Variants in ADAM10 observed in about 807,000 individuals in gnomAD.
ADAM10 encodes the protein disintegrin and metalloproteinase domain-containing protein 10.
A neutral mutation model predicts 90.1 loss-of-function variants in ADAM10; 17 were observed. The observed-to-expected ratio is 0.19, with a 90% CI of 0.13 to 0.28. ADAM10 has a LOEUF of 0.28. ADAM10 is among the 10% of genes least tolerant of loss of function. The pLI, the probability that ADAM10 is intolerant of heterozygous loss-of-function variation, is 1.00. For synonymous variants in ADAM10, 310 were observed against 298.6 expected (o/e 1.04, Z -0.40); for missense variants, 610 against 914.3 (o/e 0.67, Z 4.29).
chr15:58,743,241 T>C (rs1595673681), intron 1 of ADAM10, among the ~76,000 whole-genome samples: 1 of 152,214 alleles, frequency 6.6e-6, no homozygotes, highest in East Asian at 1.9e-4. Flanking sequence ...TGTGTTTTTC[T>C]GTCTGCAGCC....
rs78862767 is a variant in ADAM10, at chr15:58,663,504, T to C, written c.585+1593A>G. ...CTAGGGTAAATCCCTCTTTCCCTCT[T>C]TCCTGTTCATCGTCTTTAAATGGGC... On this transcript the variant is annotated intron_variant, in intron 5 of 15. Coordinates refer to ENST00000260408, the MANE Select transcript of ADAM10 (RefSeq NM_001110.4). Among the ~76,000 whole-genome samples, 587 of 152,292 alleles carry C rather than the reference T, an allele frequency of 3.9e-3. 2 individuals carry two copies. Among genetic ancestry groups the C allele is most frequent in the African/African-American group, 0.013 (556 of 41,556 alleles).
chr15:58,660,491 T>C (rs1442918273), intron 5 of ADAM10, among the ~76,000 whole-genome samples: 5 of 152,002 alleles, frequency 3.3e-5, no homozygotes, highest in African/African-American at 1.2e-4. Context: ...TTTTTTTAAT[T>C]AAAAAAAATT....
chr15:58,628,516 T>C (rs1394520467), intron 9 of ADAM10, among the ~76,000 whole-genome samples: 1 of 152,206 alleles, frequency 6.6e-6, no homozygotes, highest in African/African-American at 2.4e-5. Context: ...AACATATAAA[T>C]GCACATAAGT....
At position 58,616,889 on chromosome 15, in the gene ADAM10, A is replaced by T. The variant is rs561787433; in HGVS notation, c.1511+4582T>A. Among the ~76,000 whole-genome samples the T allele has an allele frequency of 1.5e-3, 227 of 152,288 alleles. 1 individual carries two copies. Among genetic ancestry groups the T allele is most frequent in the African/African-American group, 5.1e-3 (211 of 41,558 alleles). ...TTTGGGAGGCCGAGGCGGACAGATC[A>T]CAAGGTCAAGAGATTGAGACCATCC... On this transcript the variant is annotated intron_variant, in intron 11 of 15. Coordinates refer to ENST00000260408, the MANE Select transcript of ADAM10 (RefSeq NM_001110.4).
chr15:58,745,333 T>G (rs1461798745), intron 1 of ADAM10, among the ~76,000 whole-genome samples: 1 of 152,238 alleles, frequency 6.6e-6, no homozygotes, highest in East Asian at 1.9e-4. Flanking sequence ...GCAGAGTTTA[T>G]GTTTGTATCC....
intron 9 of ADAM10, among the ~76,000 whole-genome samples, chr15:58,629,712 T>C (rs2140669393): frequency 6.6e-6 from 1 of 152,338 alleles, no homozygotes; most frequent in East Asian, 1.9e-4. Flanking sequence ...CTATTTCCTA[T>C]CTGACTTATA....
At chr15:58,707,970 A>G (rs1304555968) in intron 2 of ADAM10, among the ~76,000 whole-genome samples, 1 of 152,084 alleles carries the variant, frequency 6.6e-6, no homozygotes, top group Admixed American at 6.5e-5. Context: ...CCAGCTACTC[A>G]GGAGGCTGAG....
At chr15:58,685,724 G>A (rs1897581648) in intron 2 of ADAM10, among the ~76,000 whole-genome samples, 2 of 151,602 alleles carry the variant, frequency 1.3e-5, no homozygotes, top group African/African-American at 4.8e-5. Flanking sequence ...GTGGGTGACT[G>A]GGAAATAAGG....
At chr15:58,722,271 G>C (rs1898880344) in intron 1 of ADAM10, among the ~76,000 whole-genome samples, 1 of 152,040 alleles carries the variant, frequency 6.6e-6, no homozygotes, top group South Asian at 2.1e-4. Flanking sequence ...GAACCCGGAA[G>C]GTGGAGGGTG....
intron 2 of ADAM10, among the ~76,000 whole-genome samples, chr15:58,711,800 A>T (rs1382782156): frequency 6.6e-6 from 1 of 152,236 alleles, no homozygotes; most frequent in Non-Finnish European, 1.5e-5. Context: ...CCTACCAAAA[A>T]GATAAACTAT....
intron 5 of ADAM10, among the ~76,000 whole-genome samples, chr15:58,655,704 A>AGTG (rs1490444327): frequency 1.0e-4 from 6 of 58,432 alleles, no homozygotes; most frequent in African/African-American, 5.4e-4. Flanking sequence ...TAGTATATAT[A>AGTG]TATATAGTAT....
chr15:58,728,925 C>G (rs1405150582), intron 1 of ADAM10, among the ~76,000 whole-genome samples: 13 of 152,146 alleles, frequency 8.5e-5, no homozygotes, highest in African/African-American at 3.1e-4. Flanking sequence ...TAAATGACAA[C>G]CAGTGACCAC....
intron 14 of ADAM10, among the ~76,000 whole-genome samples, chr15:58,604,984 C>T (rs537828785): frequency 1.8e-4 from 27 of 152,282 alleles, no homozygotes; most frequent in African/African-American, 5.5e-4. Context: ...CAGCAATTTT[C>T]CCTCCTCAAC....
In ADAM10 at chr15:58,749,561, GCCT is replaced by G; in HGVS notation, c.-30_-28del. 6.5e-7 allele frequency: 1 copy of G among 1,547,944 alleles called. No homozygotes were observed. Among genetic ancestry groups the G allele is most frequent in the African/African-American group, 1.4e-5 (1 of 72,838 alleles). ...TTCCGCTGCCGCTGCCGCCGCCGCC[GCCT>G]CCTCACGGGTTAACAGCAGCACATC... is the stretch of plus-strand genomic sequence containing the variant. On this transcript the variant is annotated 5_prime_UTR_variant, in exon 1 of 16. Transcript: ENST00000260408.
chr15:58,618,589 G>A lies in ADAM10; in HGVS notation c.1511+2882C>T, dbSNP rs188850907. 1.3e-3 allele frequency among the ~76,000 whole-genome samples: 202 copies of A among 152,288 alleles called. 1 individual carries two copies. The highest frequency in any genetic ancestry group is 5.0e-3 in the Admixed American group (77 of 15,300). ...AGAGTGAAGAGACGATCTGCTGAAT[G>A]GGAGAAAACATTTTCAAATTATTCA... On this transcript the variant is annotated intron_variant, in intron 11 of 15. Transcript: ENST00000260408.
intron 14 of ADAM10, among the ~76,000 whole-genome samples, chr15:58,601,374 T>A (rs1364905837): frequency 2.6e-5 from 4 of 151,816 alleles, no homozygotes; most frequent in Non-Finnish European, 5.9e-5. Context: ...GGGGGGAGAA[T>A]CGCTTGAACC....
intron 2 of ADAM10, among the ~76,000 whole-genome samples, chr15:58,702,811 T>C (rs1243448451): frequency 1.3e-5 from 2 of 152,078 alleles, no homozygotes; most frequent in Non-Finnish European, 2.9e-5. Flanking sequence ...ATCTAAAACA[T>C]ACATGAACAG....
At chr15:58,734,663 G>A (rs1899368356) in intron 1 of ADAM10, among the ~76,000 whole-genome samples, 1 of 150,948 alleles carries the variant, frequency 6.6e-6, no homozygotes, top group South Asian at 2.1e-4. Context: ...TCGTGCCACT[G>A]CAATGCAGCC....
At chr15:58,602,925 A>G (rs193047037) in intron 14 of ADAM10, among the ~76,000 whole-genome samples, 4 of 152,350 alleles carry the variant, frequency 2.6e-5, no homozygotes, top group Admixed American at 2.6e-4. Flanking sequence ...CAAGAGAAGC[A>G]ATATATCCGA....
Sources: gnomAD v4.1 joint callset for allele counts (sites outside exome capture counted in the v4.1 genomes callset) on GRCh38, gnomAD v4.1.1 for gene constraint, MANE v1.5 for transcripts, NCBI Gene and HGNC (gene_info 2026-07-23, HGNC 2026-07-21) for gene names.